CNTN5: variants seen among roughly 807,000 people sequenced by gnomAD.
CNTN5 encodes the protein contactin 5.
Under a neutral mutation model 129.1 loss-of-function variants are expected in CNTN5, and 77 were observed. The ratio of observed to expected loss-of-function variants is 0.60; its 90% CI spans 0.50 to 0.72. CNTN5 has a LOEUF of 0.72. Among genes scored for constraint, CNTN5 ranks in the 30% least tolerant of loss-of-function variants. The pLI, the probability that CNTN5 is intolerant of heterozygous loss-of-function variation, is 0.00. For synonymous variants in CNTN5, 509 were observed against 465.6 expected, an observed-to-expected ratio of 1.09 and a Z score of -1.20; for missense variants, 1,478 against 1,328.8, an observed-to-expected ratio of 1.11 and a Z score of -1.75.
At chr11:99,786,007 C>G (rs1244853478) in intron 3 of CNTN5, among the ~76,000 whole-genome samples, 1 of 151,796 alleles carries the variant, frequency 6.6e-6, no homozygotes, top group African/African-American at 2.4e-5. Context: ...TTGGCAAGGG[C>G]AATCAGGCAA....
At chr11:99,116,314 C>T (rs527611419) in intron 1 of CNTN5, among the ~76,000 whole-genome samples, 2 of 152,312 alleles carry the variant, frequency 1.3e-5, no homozygotes, top group East Asian at 3.9e-4. Flanking sequence ...ACACTTAACA[C>T]TGTGAATAGT....
chr11:99,340,176 C>A (rs1039609721), intron 2 of CNTN5, among the ~76,000 whole-genome samples: 4 of 152,048 alleles, frequency 2.6e-5, no homozygotes, highest in African/African-American at 7.2e-5. Flanking sequence ...TGAGATTGGG[C>A]AAGTGTCAGA....
At chr11:99,063,604 T>C (rs1341262137) in intron 1 of CNTN5, among the ~76,000 whole-genome samples, 1 of 152,034 alleles carries the variant, frequency 6.6e-6, no homozygotes, top group African/African-American at 2.4e-5. Context: ...TAGGAAACCA[T>C]ACACATTAAA....
chr11:99,207,984 A>G (rs1859568129), intron 1 of CNTN5, among the ~76,000 whole-genome samples: 2 of 152,232 alleles, frequency 1.3e-5, no homozygotes, highest in Admixed American at 1.3e-4. Context: ...TGTTAATTAA[A>G]TCTCGGCTTA....
At chr11:99,325,996 G>A (rs144967603) in intron 2 of CNTN5, among the ~76,000 whole-genome samples, 108 of 152,310 alleles carry the variant, frequency 7.1e-4, no homozygotes, top group Middle Eastern at 3.4e-3. Context: ...ATCTTCTGAA[G>A]GCAGACGACT....
At chr11:99,786,722 T>C (rs1467863463) in intron 3 of CNTN5, among the ~76,000 whole-genome samples, 1 of 152,144 alleles carries the variant, frequency 6.6e-6, no homozygotes, top group African/African-American at 2.4e-5. Context: ...CCATCTGATC[T>C]TTGACAAACC....
intron 6 of CNTN5, among the ~76,000 whole-genome samples, chr11:99,891,160 T>A (rs1468952897): frequency 2.0e-5 from 3 of 152,178 alleles, no homozygotes; most frequent in Non-Finnish European, 4.4e-5. Context: ...AATAACAATA[T>A]ATAAAATTGG....
intron 21 of CNTN5, among the ~76,000 whole-genome samples, chr11:100,329,026 T>A (rs969995366): frequency 6.6e-6 from 1 of 152,152 alleles, no homozygotes; most frequent in African/African-American, 2.4e-5. Context: ...CAGTCTGGGA[T>A]AAGTTCTCAG....
chr11:99,714,256 T>C (rs1318217684), intron 3 of CNTN5, among the ~76,000 whole-genome samples: 1 of 151,976 alleles, frequency 6.6e-6, no homozygotes, highest in Non-Finnish European at 1.5e-5. Flanking sequence ...AGCGTTATAT[T>C]TCATTGTATA....
chr11:99,240,398 A>G (rs1861487470), intron 1 of CNTN5, among the ~76,000 whole-genome samples: 1 of 151,818 alleles, frequency 6.6e-6, no homozygotes, highest in African/African-American at 2.4e-5. Context: ...TATCTACAAA[A>G]TCAGGTCCAT....
At chr11:99,878,324 A>G (rs1473580081) in intron 6 of CNTN5, among the ~76,000 whole-genome samples, 1 of 152,196 alleles carries the variant, frequency 6.6e-6, no homozygotes, top group African/African-American at 2.4e-5. Flanking sequence ...TAAAAGATAT[A>G]TAAGTTGACT....
chr11:99,777,704 G>A (rs189926443), intron 3 of CNTN5, among the ~76,000 whole-genome samples: 11 of 151,756 alleles, frequency 7.2e-5, no homozygotes, highest in South Asian at 6.2e-4. Flanking sequence ...TGAGTGCTCC[G>A]CAAACCTCAG....
chr11:99,962,849 T>C (rs2136195054), intron 8 of CNTN5, among the ~76,000 whole-genome samples: 1 of 151,108 alleles, frequency 6.6e-6, no homozygotes, highest in African/African-American at 2.5e-5. Context: ...TGATCGCCAT[T>C]CTAACTGGTG....
Position 100,046,800 on chromosome 11 carries a change from A to G in CNTN5, c.981-14412A>G, listed in dbSNP as rs1942703571. 3.3e-5 allele frequency among the ~76,000 whole-genome samples: 5 copies of G among 152,342 alleles called. No homozygotes were observed. In the South Asian group the frequency reaches 1.0e-3, roughly 32 times the overall value. ...CTATGAAAAAAAATGAATAAAATAT[A>G]TGGAACAGTTGTTGTCATATATTGG... On this transcript the variant is annotated intron_variant, in intron 9 of 24. Transcript: ENST00000524871.
chr11:100,303,619 G>A (rs1211921808), intron 20 of CNTN5, among the ~76,000 whole-genome samples: 5 of 151,414 alleles, frequency 3.3e-5, no homozygotes, highest in African/African-American at 7.3e-5. Flanking sequence ...TGCCTTATCT[G>A]TAAAAAAATG....
intron 20 of CNTN5, among the ~76,000 whole-genome samples, chr11:100,307,794 T>A (rs1591500415): frequency 6.6e-6 from 1 of 151,508 alleles, no homozygotes; most frequent in Non-Finnish European, 1.5e-5. Flanking sequence ...AATAATAATA[T>A]GGTATTTTGT....
At chr11:99,045,966 C>T (rs1029539328) in intron 1 of CNTN5, among the ~76,000 whole-genome samples, 15 of 152,074 alleles carry the variant, frequency 9.9e-5, no homozygotes, top group African/African-American at 3.1e-4. Flanking sequence ...CCAGGATAGC[C>T]TACAGCCAGT....
intron 9 of CNTN5, among the ~76,000 whole-genome samples, chr11:100,058,683 T>C (rs12362714): frequency 0.15 from 22,376 of 152,034 alleles, 1,690 homozygotes; most frequent in Non-Finnish European, 0.16. Context: ...CAGAAAGGTA[T>C]TCGAAGATAC....
intron 2 of CNTN5, among the ~76,000 whole-genome samples, chr11:99,362,134 A>G (rs1034329513): frequency 6.6e-6 from 1 of 152,004 alleles, no homozygotes; most frequent in Admixed American, 6.6e-5. Flanking sequence ...AACACATGTT[A>G]TATTCTATTT....
Sources: gnomAD v4.1 joint callset for allele counts (sites outside exome capture counted in the v4.1 genomes callset) on GRCh38, gnomAD v4.1.1 for gene constraint, MANE v1.5 for transcripts, NCBI Gene and HGNC (gene_info 2026-07-23, HGNC 2026-07-21) for gene names.